Variants in AOX1 observed in about 807,000 individuals in gnomAD.
The protein encoded by AOX1 is aldehyde oxidase 1.
Under a neutral mutation model 169.5 loss-of-function variants are expected in AOX1, and 153 were observed. The observed-to-expected ratio is 0.90, with a 90% CI of 0.79 to 1.03. The LOEUF (loss-of-function observed/expected upper bound fraction) is 1.03. Ranked by LOEUF, AOX1 falls within the 50% of genes least tolerant of loss-of-function variation. The pLI, the probability that AOX1 is intolerant of heterozygous loss-of-function variation, is 0.00. For missense variants in AOX1, 1,656 were observed against 1,663.9 expected, an observed-to-expected ratio of 1.00 and a Z score of 0.08; for synonymous variants, 562 against 581.9, an observed-to-expected ratio of 0.97 and a Z score of 0.49.
intron 9 of AOX1, 43 bp from the exon 10 acceptor site, chr2:200,605,493 T>C (rs368618023): frequency 4.2e-5 from 43 of 1,026,980 alleles, no homozygotes; most frequent in Non-Finnish European, 5.5e-5. Flanking sequence ...GTTAGTTCCT[T>C]TATTCTAGTC....
chr2:200,593,857 C>T (rs912122041), intron 2 of AOX1, among the ~76,000 whole-genome samples: 3 of 152,108 alleles, frequency 2.0e-5, no homozygotes, highest in Non-Finnish European at 2.9e-5. Context: ...TCATGAAAGT[C>T]ATTCAAGATC....
intron 6 of AOX1, among the ~76,000 whole-genome samples, chr2:200,602,660 T>A (rs1251806037): frequency 6.6e-6 from 1 of 152,142 alleles, no homozygotes; most frequent in African/African-American, 2.4e-5. Flanking sequence ...TCTGCGAACA[T>A]GTGACGGGCA....
intron 26 of AOX1, among the ~76,000 whole-genome samples, chr2:200,655,855 G>A (rs924900825): frequency 1.2e-4 from 18 of 152,162 alleles, no homozygotes; most frequent in African/African-American, 3.1e-4. Context: ...TTTATCTGGT[G>A]ATTAACATGC....
chr2:200,597,286 G>A (rs1574907924), intron 3 of AOX1, 111 bp from the exon 4 acceptor site: 1 of 642,234 alleles, frequency 1.6e-6, no homozygotes, highest in East Asian at 3.0e-5. Context: ...GTAAAACCTG[G>A]GTACATTATA....
rs116620581 is a variant in AOX1, at chr2:200,608,664, G to C, written c.908-320G>C. On this transcript the variant is annotated intron_variant, in intron 10 of 34. Transcript: ENST00000374700. ...TTCAACATAATACTCAATAGAGTGAGTGTTCAAAGAATTCAGCCTTCATTA... is the reference window on the plus strand; with the variant it reads ...TTCAACATAATACTCAATAGAGTGACTGTTCAAAGAATTCAGCCTTCATTA... 2.4e-3 allele frequency among the ~76,000 whole-genome samples: 371 copies of C among 152,238 alleles called. 4 individuals are homozygous for C. The highest frequency in any genetic ancestry group is 8.5e-3 in the African/African-American group (355 of 41,550).
chr2:200,592,215 T>C (rs1291980956), intron 1 of AOX1, among the ~76,000 whole-genome samples: 2 of 152,154 alleles, frequency 1.3e-5, no homozygotes, highest in Non-Finnish European at 2.9e-5. Flanking sequence ...CGGACTCTTC[T>C]AGGGCACAGA....
intron 25 of AOX1, among the ~76,000 whole-genome samples, chr2:200,650,522 C>T (rs969725513): frequency 1.3e-5 from 2 of 152,172 alleles, no homozygotes; most frequent in African/African-American, 4.8e-5. Flanking sequence ...TTAATTTGTT[C>T]TTCATCCTAG....
At chr2:200,650,853 C>A in intron 25 of AOX1, 121 bp from the exon 26 acceptor site, 1 of 770,918 alleles carries the variant, frequency 1.3e-6, no homozygotes, top group Non-Finnish European at 2.1e-6. Context: ...TCCACAAGGA[C>A]TCAGTAGAAC....
At chr2:200,642,273 A>G (rs1217521704) in intron 24 of AOX1, among the ~76,000 whole-genome samples, 1 of 152,178 alleles carries the variant, frequency 6.6e-6, no homozygotes. Context: ...TTCTGTTTTC[A>G]CTGTCTTCCA....
chr2:200,619,911 A>G (rs2034846817), intron 16 of AOX1, among the ~76,000 whole-genome samples: 1 of 152,236 alleles, frequency 6.6e-6, no homozygotes, highest in Non-Finnish European at 1.5e-5. Context: ...CGATATCATC[A>G]TACTCTTCTG....
chr2:200,609,370 C>T lies in AOX1; in HGVS notation c.1109C>T (p.Pro370Leu). Residue 370 changes from proline to leucine, a missense_variant, in exon 12 of 35, where the codon CCC (proline) becomes CTC (leucine). By Grantham distance (98) the Pro-to-Leu change is moderately conservative. Coordinates refer to ENST00000374700, the MANE Select transcript of AOX1 (RefSeq NM_001159.4). ...ISRHPDSDLN[P>L]ILAVGNCTLN... ...AGGCATCCAGATTCAGATCTGAATC[C>T]CATCCTGGCTGTGGGTAACTGTACC... 1 of 1,613,950 alleles carries T rather than the reference C, an allele frequency of 6.2e-7. No individual in the cohort carries two copies. Among genetic ancestry groups the T allele is most frequent in the Non-Finnish European group, 8.5e-7 (1 of 1,179,970 alleles).
chr2:200,668,531 A>G (rs750554882), intron 32 of AOX1, 84 bp from the exon 33 acceptor site: 101 of 1,232,640 alleles, frequency 8.2e-5, no homozygotes, highest in Non-Finnish European at 1.0e-4. Context: ...TTAAAATTCA[A>G]GCAAACAGCA....
chr2:200,641,304 G>T, intron 24 of AOX1, 120 bp downstream of exon 24: 1 of 664,774 alleles, frequency 1.5e-6, no homozygotes. Context: ...GACCATCCTT[G>T]CAGGGATAGC....
intron 5 of AOX1, 103 bp downstream of exon 5, chr2:200,599,849 A>G (rs1340297274): frequency 3.1e-6 from 3 of 975,516 alleles, no homozygotes; most frequent in East Asian, 3.3e-5. Context: ...CGGCGGCGCA[A>G]TCTTGGCCCC....
chr2:200,587,503 C>T (rs1316577791), intron 1 of AOX1, among the ~76,000 whole-genome samples: 1 of 152,124 alleles, frequency 6.6e-6, no homozygotes, highest in East Asian at 1.9e-4. Flanking sequence ...TGTTCTAAGA[C>T]CCTGAGCCTA....
chr2:200,618,181 G>C (rs1387952058), intron 16 of AOX1, among the ~76,000 whole-genome samples: 1 of 151,986 alleles, frequency 6.6e-6, no homozygotes, highest in African/African-American at 2.4e-5. Context: ...TATTTTTCTC[G>C]ATAGTCTCCT....
intron 2 of AOX1, 70 bp from the exon 3 acceptor site, chr2:200,595,202 T>G (rs780726948): frequency 4.4e-6 from 5 of 1,136,860 alleles, no homozygotes; most frequent in Non-Finnish European, 6.5e-6. Context: ...TATTACTGTC[T>G]CCTAGTGGCA....
intron 10 of AOX1, among the ~76,000 whole-genome samples, chr2:200,608,234 T>C (rs1365919140): frequency 6.6e-6 from 1 of 152,176 alleles, no homozygotes; most frequent in Non-Finnish European, 1.5e-5. Flanking sequence ...ATCTAAATAC[T>C]AATTGTCTGA....
rs1385988715 is a variant in AOX1, at chr2:200,661,562, A to G, written c.3376-17A>G. 3.7e-6 allele frequency: 6 copies of G among 1,609,438 alleles called. No individual in the cohort carries two copies. The highest frequency in any genetic ancestry group is 1.3e-5 in the African/African-American group (1 of 74,744). ...TTGGGCATCCTTGTTGCATCATGCT[A>G]TGCTCTTCCTTCACAGGCACAGACT... On this transcript the variant is annotated splice_polypyrimidine_tract_variant and intron_variant, in intron 29 of 34. Transcript: ENST00000374700.
Sources: gnomAD v4.1 joint callset for allele counts (sites outside exome capture counted in the v4.1 genomes callset) on GRCh38, gnomAD v4.1.1 for gene constraint, MANE v1.5 for transcripts, NCBI Gene and HGNC (gene_info 2026-07-23, HGNC 2026-07-21) for gene names.